NXPH1: variants seen among roughly 807,000 people sequenced by gnomAD.
The protein encoded by NXPH1 is neurexophilin 1, also known as neurexophilin-1.
A neutral mutation model predicts 23.7 loss-of-function variants in NXPH1; 5 were observed. The observed-to-expected ratio is 0.21, with a 90% CI of 0.11 to 0.44. The LOEUF is 0.44. Ranked by LOEUF, NXPH1 falls within the 20% of genes least tolerant of loss-of-function variation. The pLI is 0.99. For missense variants in NXPH1, 324 were observed against 321.6 expected, an observed-to-expected ratio of 1.01 and a Z score of -0.06; for synonymous variants, 144 against 122.2, an observed-to-expected ratio of 1.18 and a Z score of -1.18.
chr7:8,609,783 T>C (rs1261950709), intron 2 of NXPH1, among the ~76,000 whole-genome samples: 1 of 152,196 alleles, frequency 6.6e-6, no homozygotes, highest in African/African-American at 2.4e-5. Flanking sequence ...TGTCTATTAA[T>C]TTTAACATAA....
chr7:8,718,644 T>C (rs551402926), intron 2 of NXPH1, among the ~76,000 whole-genome samples: 26 of 152,320 alleles, frequency 1.7e-4, no homozygotes, highest in African/African-American at 6.3e-4. Flanking sequence ...TATAGTTATA[T>C]TTCAATCCTT....
intron 2 of NXPH1, among the ~76,000 whole-genome samples, chr7:8,648,806 C>T (rs915043413): frequency 6.6e-6 from 1 of 152,008 alleles, no homozygotes; most frequent in Non-Finnish European, 1.5e-5. Context: ...TAAATGAGGG[C>T]CCTTCCTTAG....
chr7:8,663,593 G>T (rs1583220086), intron 2 of NXPH1, among the ~76,000 whole-genome samples: 1 of 151,996 alleles, frequency 6.6e-6, no homozygotes, highest in African/African-American at 2.4e-5. Context: ...ATTGTTAAAG[G>T]TTTCTCAATT....
rs541998294 is a variant in NXPH1 at position 8,587,595 on chromosome 7, C to G, written c.54+151828C>G. ...TGGTTTGTTGCACCCATCAATCCGT[C>G]ATCTACATTGGGTATTTCTCCTAAT... On this transcript the variant is annotated intron_variant, in intron 2 of 2. Coordinates refer to ENST00000405863, the MANE Select transcript of NXPH1 (RefSeq NM_152745.3). 2.6e-5 allele frequency among the ~76,000 whole-genome samples: 4 copies of G among 152,242 alleles called. No individual in the cohort carries two copies. The East Asian group carries it at 7.7e-4, about 29-fold the overall frequency.
chr7:8,624,043 C>CTA (rs74941665), intron 2 of NXPH1, among the ~76,000 whole-genome samples: 5,991 of 152,002 alleles, frequency 0.039, 278 homozygotes, highest in East Asian at 0.17. Flanking sequence ...AATAATTGAG[C>CTA]TAGAGGGAAG....
chr7:8,708,078 A>G (rs1002076990), intron 2 of NXPH1, among the ~76,000 whole-genome samples: 2 of 152,184 alleles, frequency 1.3e-5, no homozygotes, highest in African/African-American at 4.8e-5. Context: ...GAAAATATTT[A>G]TAACATGCTG....
At chr7:8,722,094 T>G (rs1440638586) in intron 2 of NXPH1, among the ~76,000 whole-genome samples, 3 of 151,924 alleles carry the variant, frequency 2.0e-5, no homozygotes, top group African/African-American at 7.3e-5. Flanking sequence ...AAAGTACCAA[T>G]GATGTGGGTT....
chr7:8,536,108 C>T (rs1818021170), intron 2 of NXPH1, among the ~76,000 whole-genome samples: 1 of 152,008 alleles, frequency 6.6e-6, no homozygotes, highest in Non-Finnish European at 1.5e-5. Flanking sequence ...ATCGGTCTTC[C>T]CACTTGATTG....
At chr7:8,717,890 G>GTA (rs1779902795) in intron 2 of NXPH1, among the ~76,000 whole-genome samples, 1 of 74,870 alleles carries the variant, frequency 1.3e-5, no homozygotes. Context: ...TCTTCTCTCT[G>GTA]TGTGTATATA....
Position 8,694,267 on chromosome 7 carries a change from A to G in NXPH1, c.55-56741A>G, listed in dbSNP as rs566808164. Reference sequence around the variant, plus strand: ...AGGTGCGTGGTGGTCTCTGAGATTCAGATGCCCCTATGTGCATTGGTTGAG... The same window carrying G: ...AGGTGCGTGGTGGTCTCTGAGATTCGGATGCCCCTATGTGCATTGGTTGAG... On this transcript the variant is annotated intron_variant, in intron 2 of 2. Transcript: ENST00000405863. Among the ~76,000 whole-genome samples the G allele has an allele frequency of 2.5e-4, 38 of 152,322 alleles. 1 individual carries two copies. The highest frequency in any genetic ancestry group is 8.4e-4 in the African/African-American group (35 of 41,576).
chr7:8,607,671 G>C (rs910282210), intron 2 of NXPH1, among the ~76,000 whole-genome samples: 5 of 152,166 alleles, frequency 3.3e-5, no homozygotes, highest in South Asian at 4.1e-4. Context: ...ACATTGAACT[G>C]TGGGAATATG....
At chr7:8,710,695 G>A (rs1485124420) in intron 2 of NXPH1, among the ~76,000 whole-genome samples, 2 of 83,734 alleles carry the variant, frequency 2.4e-5, no homozygotes, top group Non-Finnish European at 1.9e-5. Context: ...TCGCTCTGTC[G>A]CCCAGGCCGG....
intron 2 of NXPH1, among the ~76,000 whole-genome samples, chr7:8,519,862 A>G (rs1364525755): frequency 1.3e-5 from 2 of 152,200 alleles, no homozygotes; most frequent in African/African-American, 4.8e-5. Flanking sequence ...ATACATGTAT[A>G]TGTAGGTGGA....
intron 2 of NXPH1, among the ~76,000 whole-genome samples, chr7:8,575,449 T>C (rs889073100): frequency 6.6e-5 from 10 of 152,176 alleles, no homozygotes; most frequent in Non-Finnish European, 1.2e-4. Context: ...TTGGAGTTCA[T>C]GTTTAGAATT....
rs569081153 is a variant in NXPH1, at chr7:8,489,728, T to A, written c.54+53961T>A. 7.4e-4 allele frequency among the ~76,000 whole-genome samples: 113 copies of A among 152,256 alleles called. 1 individual carries two copies. The South Asian group carries it at 0.016, about 22-fold the overall frequency. On this transcript the variant is annotated intron_variant, in intron 2 of 2. Coordinates refer to ENST00000405863, the MANE Select transcript of NXPH1 (RefSeq NM_152745.3). ...TCAGACTCATGGCATATTAGTATTA[T>A]GAATGACATGTTGAAAGGACCTGCC...
At chr7:8,439,580 T>C (rs1816257231) in intron 2 of NXPH1, among the ~76,000 whole-genome samples, 1 of 152,248 alleles carries the variant, frequency 6.6e-6, no homozygotes, top group Non-Finnish European at 1.5e-5. Context: ...AAATTGCTAA[T>C]AATCAAGTTG....
chr7:8,469,202 T>C (rs1263330197), intron 2 of NXPH1, among the ~76,000 whole-genome samples: 1 of 152,054 alleles, frequency 6.6e-6, no homozygotes, highest in Non-Finnish European at 1.5e-5. Flanking sequence ...ATAGTGATTT[T>C]TTTGGGAAAT....
At chr7:8,641,123 A>G (rs1165766964) in intron 2 of NXPH1, among the ~76,000 whole-genome samples, 1 of 152,106 alleles carries the variant, frequency 6.6e-6, no homozygotes, top group Non-Finnish European at 1.5e-5. Context: ...GTTTTATCAT[A>G]TTCTTGATAT....
chr7:8,488,198 T>G (rs1002601769), intron 2 of NXPH1, among the ~76,000 whole-genome samples: 2 of 152,164 alleles, frequency 1.3e-5, no homozygotes, highest in African/African-American at 4.8e-5. Context: ...CTTTTCTTTT[T>G]CTTCTTTTAC....
Sources: allele counts gnomAD v4.1 joint callset (sites outside exome capture counted in the v4.1 genomes callset), GRCh38; gene constraint gnomAD v4.1.1; transcripts MANE v1.5; gene names NCBI Gene and HGNC (gene_info 2026-07-23, HGNC 2026-07-21).